The following ESRRG variants were observed in gnomAD, a reference collection of about 807,000 sequenced individuals.
The protein encoded by ESRRG is estrogen related receptor gamma, also known as estrogen-related receptor gamma.
In ESRRG, 13 loss-of-function variants were observed where a neutral mutation model predicts 44.0. The ratio of observed to expected loss-of-function variants is 0.30; its 90% confidence interval spans 0.19 to 0.47. The LOEUF (loss-of-function observed/expected upper bound fraction) is 0.47, where lower values mean the gene tolerates loss of function less well. Ranked by LOEUF, ESRRG falls within the 20% of genes least tolerant of loss-of-function variation. The probability of loss-of-function intolerance (pLI) is 1.00; values close to 1 mark genes in which losing one functional copy is unlikely to be tolerated. For synonymous variants in ESRRG, 215 were observed against 214.6 expected (o/e 1.00, Z -0.02); for missense variants, 395 against 580.6 (o/e 0.68, Z 3.29).
At chr1:217,027,915 T>C (rs1314722450) in intron 1 of ESRRG, among the ~76,000 whole-genome samples, 2 of 152,174 alleles carry the variant, frequency 1.3e-5, no homozygotes, top group African/African-American at 4.8e-5. Context: ...ATGCAGCCTG[T>C]CCCCAACCTC....
intron 5 of ESRRG, 32 bp downstream of exon 5, chr1:216,564,187 T>G: frequency 7.0e-7 from 1 of 1,426,260 alleles, no homozygotes; most frequent in Non-Finnish European, 9.4e-7. Flanking sequence ...AATTGCAACC[T>G]TTTCTTTTCT....
intron 1 of ESRRG, among the ~76,000 whole-genome samples, chr1:217,030,503 C>T (rs956282935): frequency 6.6e-6 from 1 of 152,226 alleles, no homozygotes; most frequent in Admixed American, 6.5e-5. Context: ...AGGTCTGCTG[C>T]TAGCCTAGCT....
intron 2 of ESRRG, among the ~76,000 whole-genome samples, chr1:216,746,416 A>T (rs2091405405): frequency 6.6e-6 from 1 of 152,174 alleles, no homozygotes; most frequent in South Asian, 2.1e-4. Context: ...CATTGGAAAA[A>T]TATTAATTTA....
At chr1:216,706,242 C>T (rs899206205) in intron 1 of ESRRG, among the ~76,000 whole-genome samples, 1 of 151,472 alleles carries the variant, frequency 6.6e-6, no homozygotes, top group African/African-American at 2.4e-5. Flanking sequence ...TATGGGAAAA[C>T]TCAGAAAGAC....
At chr1:216,742,386 T>C (rs1458377434) in intron 2 of ESRRG, among the ~76,000 whole-genome samples, 4 of 152,158 alleles carry the variant, frequency 2.6e-5, no homozygotes, top group Non-Finnish European at 5.9e-5. Context: ...TTGTGGTAAG[T>C]GAGCAACCTT....
chr1:216,624,544 T>A (rs2062834587), intron 3 of ESRRG, among the ~76,000 whole-genome samples: 3 of 152,202 alleles, frequency 2.0e-5, no homozygotes, highest in Admixed American at 2.0e-4. Flanking sequence ...AAATGAATAT[T>A]CAGCATACCT....
intron 2 of ESRRG, among the ~76,000 whole-genome samples, chr1:216,842,940 T>C (rs1378559947): frequency 1.3e-5 from 2 of 152,136 alleles, no homozygotes; most frequent in Non-Finnish European, 2.9e-5. Flanking sequence ...GAATCCACAC[T>C]CAGACCTATG....
At chr1:216,515,280 T>C (rs2818962) in intron 6 of ESRRG, among the ~76,000 whole-genome samples, 73,762 of 151,442 alleles carry the variant, frequency 0.49, 19,149 homozygotes, top group Non-Finnish European at 0.61. Flanking sequence ...TATATGTGTG[T>C]GTATGTATGT....
chr1:216,828,037 T>C (rs1243584916), intron 2 of ESRRG, among the ~76,000 whole-genome samples: 4 of 152,174 alleles, frequency 2.6e-5, no homozygotes, highest in African/African-American at 9.7e-5. Flanking sequence ...TTTCCTACCA[T>C]TTCATTGTTC....
intron 2 of ESRRG, among the ~76,000 whole-genome samples, chr1:216,936,106 G>A (rs1560175888): frequency 6.6e-6 from 1 of 151,978 alleles, no homozygotes; most frequent in Non-Finnish European, 1.5e-5. Context: ...TAGAATGAAA[G>A]ACACTCCTGT....
chr1:216,622,618 G>GCA lies in ESRRG; in HGVS notation c.589+28353_589+28354dup, dbSNP rs961026287. On this transcript the variant is annotated intron_variant, in intron 3 of 6. Transcript: ENST00000408911. ...GAAAACAAATGAAAATTACACACACGCACACACACACACACACGCTTCCCA... is the reference window on the plus strand; with the variant it reads ...GAAAACAAATGAAAATTACACACACGCACACACACACACACACACGCTTCCCA... 1.4e-4 allele frequency among the ~76,000 whole-genome samples: 21 copies of GCA among 150,902 alleles called. No individual in the cohort carries two copies. The East Asian group carries it at 2.1e-3, about 15-fold the overall frequency.
intron 1 of ESRRG, among the ~76,000 whole-genome samples, chr1:216,948,045 G>A (rs1311653566): frequency 1.7e-5 from 2 of 121,160 alleles, no homozygotes; most frequent in Non-Finnish European, 3.1e-5. Context: ...TCACTTGAAA[G>A]AGACTCACCC....
At chr1:216,568,497 G>C (rs1374144819) in intron 3 of ESRRG, among the ~76,000 whole-genome samples, 1 of 152,298 alleles carries the variant, frequency 6.6e-6, no homozygotes, top group Non-Finnish European at 1.5e-5. Flanking sequence ...AGTAGACCAA[G>C]AGCTATCCAA....
At chr1:216,859,744 A>C (rs1348126339) in intron 2 of ESRRG, among the ~76,000 whole-genome samples, 1 of 152,220 alleles carries the variant, frequency 6.6e-6, no homozygotes, top group African/African-American at 2.4e-5. Context: ...ATTAAAAGTA[A>C]GAATCTAAAG....
chr1:216,721,469 T>C (rs1427264266), intron 1 of ESRRG, among the ~76,000 whole-genome samples: 2 of 152,174 alleles, frequency 1.3e-5, no homozygotes, highest in African/African-American at 2.4e-5. Context: ...ATCCAGACAA[T>C]AAATCTGTAT....
intron 1 of ESRRG, among the ~76,000 whole-genome samples, chr1:216,943,961 A>G (rs932725835): frequency 2.6e-5 from 4 of 152,182 alleles, no homozygotes; most frequent in African/African-American, 9.6e-5. Context: ...CCCTGCCAGG[A>G]AACTTGCTCT....
rs995809582 is a variant in ESRRG at position 216,707,533 on chromosome 1, G to A, written c.56+15711C>T. 4.0e-5 allele frequency: 60 copies of A among 1,499,384 alleles called. No homozygotes were observed. In the East Asian group the frequency reaches 1.5e-3, roughly 38 times the overall value. The allele number at this position is 1,499,384 out of a possible 1,614,324, so 92.9% of individuals were successfully genotyped here. A position where few individuals can be genotyped will look rare whatever the true frequency, so the allele number is the denominator to read the frequency against. ...GTTAGGGTGAAAGTTGCAATTTGCT[G>A]AAGTTTTATGTAAAACTACAGCTAC... On this transcript the variant is annotated intron_variant, in intron 1 of 6. Transcript: ENST00000408911.
chr1:216,997,308 T>A (rs553438943), intron 1 of ESRRG, among the ~76,000 whole-genome samples: 1 of 152,328 alleles, frequency 6.6e-6, no homozygotes, highest in South Asian at 2.1e-4. Flanking sequence ...CAAGAGCTCC[T>A]TAAAGACAAC....
intron 2 of ESRRG, among the ~76,000 whole-genome samples, chr1:216,878,597 A>C (rs2149289221): frequency 6.6e-6 from 1 of 152,240 alleles, no homozygotes; most frequent in African/African-American, 2.4e-5. Flanking sequence ...TTAGGAAGAA[A>C]CCCAGTTTTG....
Sources: allele counts gnomAD v4.1 joint callset (sites outside exome capture counted in the v4.1 genomes callset), GRCh38; gene constraint gnomAD v4.1.1; transcripts MANE v1.5; gene names NCBI Gene and HGNC (gene_info 2026-07-23, HGNC 2026-07-21).